The following SGCD variants were observed in gnomAD, a reference collection of about 807,000 sequenced individuals.
SGCD encodes sarcoglycan delta.
SGCD carries 18 observed loss-of-function variants against 36.6 expected under a neutral mutation model. The observed-to-expected ratio is 0.49, with a 90% CI of 0.34 to 0.73. The LOEUF (loss-of-function observed/expected upper bound fraction) is 0.73, where lower values mean the gene tolerates loss of function less well. SGCD is among the 30% of genes least tolerant of loss of function. SGCD has a pLI of 0.01. For synonymous variants in SGCD, 133 were observed against 130.6 expected, an observed-to-expected ratio of 1.02 and a Z score of -0.12; for missense variants, 387 against 346.7, an observed-to-expected ratio of 1.12 and a Z score of -0.92.
intron 6 of SGCD, among the ~76,000 whole-genome samples, chr5:156,646,830 A>G (rs1192852299): frequency 1.3e-5 from 2 of 152,178 alleles, no homozygotes; most frequent in Non-Finnish European, 2.9e-5. Context: ...GACAAGTTGT[A>G]AAGATAAAAG....
At chr5:156,128,425 T>A (rs1021751260) in intron 3 of SGCD, among the ~76,000 whole-genome samples, 1 of 152,204 alleles carries the variant, frequency 6.6e-6, no homozygotes, top group African/African-American at 2.4e-5. Flanking sequence ...TGCACACATT[T>A]TCTTTATAAC....
intron 3 of SGCD, among the ~76,000 whole-genome samples, chr5:156,253,091 G>A (rs1252052421): frequency 1.3e-5 from 2 of 152,134 alleles, no homozygotes; most frequent in African/African-American, 4.8e-5. Context: ...GTTGGGAGTG[G>A]GGGTGTTTAT....
intron 3 of SGCD, among the ~76,000 whole-genome samples, chr5:156,412,467 A>G (rs1203624086): frequency 1.3e-5 from 2 of 152,250 alleles, no homozygotes; most frequent in Non-Finnish European, 2.9e-5. Flanking sequence ...TTTGTGCCCC[A>G]GGACCAAACT....
chr5:156,096,019 C>T (rs1761365263), intron 1 of SGCD, among the ~76,000 whole-genome samples: 1 of 152,182 alleles, frequency 6.6e-6, no homozygotes, highest in African/African-American at 2.4e-5. Flanking sequence ...TTCCTTGTAC[C>T]AGTGAAACAT....
At chr5:156,585,674 G>C (rs1760462606) in intron 4 of SGCD, among the ~76,000 whole-genome samples, 1 of 152,074 alleles carries the variant, frequency 6.6e-6, no homozygotes, top group African/African-American at 2.4e-5. Flanking sequence ...TATTTCCAAA[G>C]GCAAAATCTC....
intron 7 of SGCD, among the ~76,000 whole-genome samples, chr5:156,739,997 C>A (rs1213494472): frequency 6.6e-6 from 1 of 152,174 alleles, no homozygotes; most frequent in East Asian, 1.9e-4. Flanking sequence ...AATTAGAAAA[C>A]CCTAGGCCTC....
rs1289536562 is a variant in SGCD at position 156,760,112 on chromosome 5, C to T, written c.*722C>T. The T allele has an allele frequency of 6.6e-6, 1 of 152,202 alleles. No individual in the cohort carries two copies. The highest frequency in any genetic ancestry group is 1.5e-5 in the Non-Finnish European group (1 of 68,028). The allele number at this position is 152,202 out of a possible 1,614,324, so 9.4% of individuals were successfully genotyped here. A position where few individuals can be genotyped will look rare whatever the true frequency, so the allele number is the denominator to read the frequency against. On this transcript the variant is annotated 3_prime_UTR_variant, in exon 9 of 9. Transcript: ENST00000337851. ...GCTCCCTCCAAACTCACAGATTCTC[C>T]TACAGTCAAATTAGGAGCTGTAAAT... is the stretch of plus-strand genomic sequence containing the variant.
chr5:156,239,495 A>G (rs1039226416), intron 3 of SGCD, among the ~76,000 whole-genome samples: 13 of 152,118 alleles, frequency 8.5e-5, no homozygotes, highest in Admixed American at 3.9e-4. Flanking sequence ...AAAAAAATCT[A>G]TCAACTAGTA....
chr5:155,843,984 T>C, the SGCD span, among the ~76,000 whole-genome samples: 1 of 152,230 alleles, frequency 6.6e-6, no homozygotes, highest in Admixed American at 6.5e-5. Context: ...AGATCTGGAT[T>C]AATACAGTGC....
At chr5:155,793,748 C>T in the SGCD span, among the ~76,000 whole-genome samples, 6 of 151,802 alleles carry the variant, frequency 4.0e-5, no homozygotes, top group Admixed American at 3.3e-4. Context: ...AGGGATTCAC[C>T]ATGTTAGCCA....
At chr5:156,632,379 G>A (rs1306426818) in intron 6 of SGCD, among the ~76,000 whole-genome samples, 3 of 152,204 alleles carry the variant, frequency 2.0e-5, no homozygotes, top group Non-Finnish European at 2.9e-5. Flanking sequence ...GCTAAAGGAT[G>A]TTGAATAGGC....
At chr5:156,070,568 T>C (rs1760515811) in intron 1 of SGCD, among the ~76,000 whole-genome samples, 1 of 151,556 alleles carries the variant, frequency 6.6e-6, no homozygotes, top group South Asian at 2.1e-4. Flanking sequence ...TCAGTGTTCA[T>C]CAAGGATATT....
chr5:156,648,692 T>C (rs1255258291), intron 7 of SGCD, among the ~76,000 whole-genome samples: 1 of 152,192 alleles, frequency 6.6e-6, no homozygotes, highest in African/African-American at 2.4e-5. Context: ...TACTTTTTAC[T>C]AGCATAACTA....
the SGCD span, among the ~76,000 whole-genome samples, chr5:155,737,521 T>C: frequency 6.6e-6 from 1 of 152,232 alleles, no homozygotes; most frequent in Non-Finnish European, 1.5e-5. Context: ...CACTCAGAAT[T>C]GATTTCATGA....
intron 7 of SGCD, among the ~76,000 whole-genome samples, chr5:156,714,486 CTATT>C (rs1438054710): frequency 6.6e-6 from 1 of 152,120 alleles, no homozygotes; most frequent in Non-Finnish European, 1.5e-5. Context: ...TAAATCAATA[CTATT>C]TATTAAATAA....
At chr5:156,653,503 T>TTTTTTTTTTTTTTTTTTTTTTTTTG in intron 7 of SGCD, among the ~76,000 whole-genome samples, 1 of 142,238 alleles carries the variant, frequency 7.0e-6, no homozygotes, top group African/African-American at 2.6e-5. Flanking sequence ...CTTTTTTTTT[T>TTTTTTTTTTTTTTTTTTTTTTTTTG]TTTTTGCCCC....
rs551885420 is a variant in SGCD, at chr5:156,190,440, A to T, written c.-44+66421A>T. 5.3e-5 allele frequency among the ~76,000 whole-genome samples: 8 copies of T among 152,270 alleles called. No individual in the cohort carries two copies. The South Asian group carries it at 1.7e-3, about 32-fold the overall frequency. On this transcript the variant is annotated intron_variant, in intron 3 of 9. Coordinates refer to the SGCD transcript ENST00000517913. ...CTTGTTTGGAAGGAAATATAATAAT[A>T]AGGGGCTTGCATGAAGAACAAAGAG... is the stretch of plus-strand genomic sequence containing the variant.
intron 4 of SGCD, among the ~76,000 whole-genome samples, chr5:156,569,811 C>T (rs1420400501): frequency 1.3e-5 from 2 of 151,962 alleles, no homozygotes; most frequent in African/African-American, 4.8e-5. Context: ...TTCCTGTAGG[C>T]AGGAAGGTAT....
intron 1 of SGCD, among the ~76,000 whole-genome samples, chr5:156,019,318 A>G (rs1759050432): frequency 6.6e-6 from 1 of 152,178 alleles, no homozygotes; most frequent in Non-Finnish European, 1.5e-5. Flanking sequence ...CAGAACCTTG[A>G]ACGTTGACAG....
Sources: gnomAD v4.1 joint callset for allele counts (sites outside exome capture counted in the v4.1 genomes callset) on GRCh38, gnomAD v4.1.1 for gene constraint, MANE v1.5 for transcripts, NCBI Gene and HGNC (gene_info 2026-07-23, HGNC 2026-07-21) for gene names.